RTP2: variants seen among roughly 807,000 people sequenced by gnomAD.
RTP2 encodes the protein receptor transporter protein 2.
A neutral mutation model predicts 17.9 loss-of-function variants in RTP2; 12 were observed. That is an observed-to-expected ratio of 0.67 (90% CI 0.43 to 1.09). The LOEUF (loss-of-function observed/expected upper bound fraction) is 1.09, where lower values mean the gene tolerates loss of function less well. Ranked by LOEUF, RTP2 falls within the 50% of genes least tolerant of loss-of-function variation. The pLI is 0.00. For synonymous variants in RTP2, 126 were observed against 117.7 expected (o/e 1.07, Z -0.46); for missense variants, 327 against 295.7 (o/e 1.11, Z -0.78).
intron 1 of RTP2, among the ~76,000 whole-genome samples, chr3:187,700,862 A>G (rs1028757667): frequency 2.6e-5 from 4 of 152,208 alleles, no homozygotes; most frequent in Admixed American, 6.5e-5. Context: ...TGGAACTGAC[A>G]TGAATCAGCC....
chr3:187,706,004 A>G (rs1209312475), upstream of RTP2, among the ~76,000 whole-genome samples: 1 of 152,240 alleles, frequency 6.6e-6, no homozygotes, highest in African/African-American at 2.4e-5. Context: ...CTTAGCTCTG[A>G]CATTGGAACC....
chr3:187,706,838 T>A (rs1718004758), upstream of RTP2, among the ~76,000 whole-genome samples: 3 of 152,148 alleles, frequency 2.0e-5, no homozygotes, highest in South Asian at 6.2e-4. Context: ...CCTGACGTCG[T>A]GATCCACCCA....
intron 1 of RTP2, among the ~76,000 whole-genome samples, chr3:187,701,732 A>T (rs1351147823): frequency 6.6e-6 from 1 of 152,184 alleles, no homozygotes; most frequent in Non-Finnish European, 1.5e-5. Context: ...TTTAATGTGG[A>T]CAACTAAGAC....
chr3:187,714,965 G>GAA, the RTP2 span, among the ~76,000 whole-genome samples: 7 of 148,046 alleles, frequency 4.7e-5, no homozygotes, highest in Non-Finnish European at 7.5e-5. Flanking sequence ...TGTACGTTAG[G>GAA]AAAAAAAAAA....
At chr3:187,699,704 G>A (rs1717792209) in intron 1 of RTP2, among the ~76,000 whole-genome samples, 2 of 151,296 alleles carry the variant, frequency 1.3e-5, no homozygotes, top group South Asian at 4.2e-4. Context: ...GACTGGAAAA[G>A]AGGGTATTCA....
At chr3:187,706,984 T>C (rs1718008787), upstream of RTP2, among the ~76,000 whole-genome samples, 1 of 152,168 alleles carries the variant, frequency 6.6e-6, no homozygotes, top group Non-Finnish European at 1.5e-5. Context: ...AATACCATTC[T>C]CCAGTTAAAA....
exon 2 of RTP2, chr3:187,698,330 T>C (rs1717739388): frequency 1.6e-6 from 1 of 612,430 alleles, no homozygotes; most frequent in African/African-American, 1.8e-5. Context: ...GAAAGAATCA[T>C]TGCCTATCTT....
exon 2 of RTP2, chr3:187,698,296 C>T (rs1464215903): frequency 1.8e-6 from 1 of 568,376 alleles, no homozygotes; most frequent in East Asian, 2.9e-5. Flanking sequence ...TTTTCCCCTT[C>T]CCCCAATTAT....
At chr3:187,714,093 T>C in the RTP2 span, among the ~76,000 whole-genome samples, 2 of 152,320 alleles carry the variant, frequency 1.3e-5, no homozygotes, top group East Asian at 3.9e-4. Context: ...CTCAGTTTTG[T>C]CACTTGCCAA....
exon 2 of RTP2, chr3:187,698,947 A>G (rs1386560876): frequency 6.2e-7 from 1 of 1,607,490 alleles, no homozygotes; most frequent in Non-Finnish European, 8.5e-7. Context: ...CGGTCCAGGA[A>G]CATGTGGAAG....
the RTP2 span, among the ~76,000 whole-genome samples, chr3:187,711,960 A>G: frequency 6.6e-5 from 10 of 152,340 alleles, no homozygotes; most frequent in Admixed American, 4.6e-4. Flanking sequence ...AGAACAGATC[A>G]GCGGTTGCCA....
At chr3:187,698,513 A>G in exon 2 of RTP2, 1 of 1,610,178 alleles carries the variant, frequency 6.2e-7, no homozygotes. Flanking sequence ...AGAAGGCAGG[A>G]CTGAGGAAGG....
chr3:187,705,016 C>A (rs1175381212), upstream of RTP2, among the ~76,000 whole-genome samples: 1 of 152,144 alleles, frequency 6.6e-6, no homozygotes, highest in Non-Finnish European at 1.5e-5. Flanking sequence ...TTCCCAGCAC[C>A]CCAAAGGCTC....
upstream of RTP2, among the ~76,000 whole-genome samples, chr3:187,703,854 T>G (rs1046753986): frequency 1.3e-5 from 2 of 149,426 alleles, no homozygotes; most frequent in Non-Finnish European, 3.0e-5. Flanking sequence ...CTGTATTTTC[T>G]TTTTTCCTCA....
chr3:187,711,339 G>A, the RTP2 span, among the ~76,000 whole-genome samples: 1 of 152,176 alleles, frequency 6.6e-6, no homozygotes, highest in Non-Finnish European at 1.5e-5. Flanking sequence ...TTTCAGCCTT[G>A]AAGAAATCAA....
the RTP2 span, among the ~76,000 whole-genome samples, chr3:187,709,286 C>T: frequency 6.6e-5 from 10 of 152,144 alleles, no homozygotes; most frequent in Non-Finnish European, 8.8e-5. Flanking sequence ...GACACAGATT[C>T]GGAGCTTGTT....
At chr3:187,699,061 C>G (rs1385146869) in intron 1 of RTP2, 50 bp from the exon 2 acceptor site, 15 of 1,531,738 alleles carry the variant, frequency 9.8e-6, no homozygotes, top group Non-Finnish European at 1.3e-5. Flanking sequence ...CCAGAGAAGC[C>G]TGCCCTGAGA....
At chr3:187,704,248 A>G (rs1303666047), upstream of RTP2, among the ~76,000 whole-genome samples, 2 of 152,210 alleles carry the variant, frequency 1.3e-5, no homozygotes, top group Admixed American at 1.3e-4. Flanking sequence ...TTCCCCTTCA[A>G]TTTGGAATGC....
upstream of RTP2, among the ~76,000 whole-genome samples, chr3:187,703,345 C>A (rs1717904644): frequency 6.6e-6 from 1 of 152,126 alleles, no homozygotes; most frequent in Non-Finnish European, 1.5e-5. Context: ...TGTTGAGTTG[C>A]CAAGTGGTTT....
Sources: allele counts gnomAD v4.1 joint callset (sites outside exome capture counted in the v4.1 genomes callset), GRCh38; gene constraint gnomAD v4.1.1; transcripts MANE v1.5; gene names NCBI Gene and HGNC (gene_info 2026-07-23, HGNC 2026-07-21).